Variants in SRPK2 observed in about 807,000 individuals in gnomAD.
SRPK2 encodes SFRS protein kinase 2.
SRPK2 carries 21 observed loss-of-function variants against 90.8 expected under a neutral mutation model. The observed-to-expected ratio is 0.23, with a 90% CI of 0.16 to 0.33. The LOEUF is 0.33. Ranked by LOEUF, SRPK2 falls within the 10% of genes least tolerant of loss-of-function variation. The probability of loss-of-function intolerance (pLI) is 1.00; values close to 1 mark genes in which losing one functional copy is unlikely to be tolerated. For missense variants in SRPK2, 620 were observed against 869.0 expected, an observed-to-expected ratio of 0.71 and a Z score of 3.60; for synonymous variants, 288 against 311.1, an observed-to-expected ratio of 0.93 and a Z score of 0.78.
intron 2 of SRPK2, among the ~76,000 whole-genome samples, chr7:105,305,846 A>G (rs1048070218): frequency 3.3e-5 from 5 of 152,256 alleles, no homozygotes; most frequent in Admixed American, 6.5e-5. Flanking sequence ...AGGGTGATAA[A>G]GTACGGGGAA....
intron 2 of SRPK2, chr7:105,205,928 AAC>A (rs139433699): frequency 1.1e-3 from 521 of 463,492 alleles, no homozygotes; most frequent in Admixed American, 2.2e-3. Flanking sequence ...ATTCTCTGAA[AAC>A]ACACACACAC....
At chr7:105,124,950 AG>A (rs1340109047) in intron 15 of SRPK2, among the ~76,000 whole-genome samples, 2 of 151,348 alleles carry the variant, frequency 1.3e-5, no homozygotes, top group Non-Finnish European at 2.9e-5. Flanking sequence ...TGGCCAACAC[AG>A]TGAAACCCTG....
intron 2 of SRPK2, chr7:105,301,685 C>A: frequency 6.2e-7 from 1 of 1,611,412 alleles, no homozygotes; most frequent in Non-Finnish European, 8.5e-7. Flanking sequence ...GAAACATATC[C>A]CCAAACACCT....
intron 7 of SRPK2, among the ~76,000 whole-genome samples, chr7:105,149,668 C>T (rs1161342888): frequency 6.6e-6 from 1 of 152,082 alleles, no homozygotes; most frequent in Non-Finnish European, 1.5e-5. Context: ...CTCCTTCAAT[C>T]CAACACTGAA....
At chr7:105,337,426 T>C (rs1815232253) in intron 2 of SRPK2, among the ~76,000 whole-genome samples, 1 of 152,026 alleles carries the variant, frequency 6.6e-6, no homozygotes, top group South Asian at 2.1e-4. Flanking sequence ...GCGATTCTCC[T>C]GCCTCAGCTT....
chr7:105,179,947 G>A (rs1249419024), intron 3 of SRPK2, among the ~76,000 whole-genome samples: 3 of 151,494 alleles, frequency 2.0e-5, no homozygotes, highest in Admixed American at 2.0e-4. Context: ...GATACAAATG[G>A]AAAAACAGTC....
At chr7:105,317,639 CAT>C (rs529009622) in intron 2 of SRPK2, among the ~76,000 whole-genome samples, 6 of 152,136 alleles carry the variant, frequency 3.9e-5, no homozygotes, top group Non-Finnish European at 8.8e-5. Context: ...ACAAAAATAA[CAT>C]ATCACAACAG....
chr7:105,146,039 C>G lies in SRPK2; in HGVS notation c.787+454G>C, dbSNP rs142945531. Among the ~76,000 whole-genome samples, 17 of 152,338 alleles carry G rather than the reference C, an allele frequency of 1.1e-4. No homozygotes were observed. In the East Asian group the frequency reaches 3.3e-3, roughly 29 times the overall value. On this transcript the variant is annotated intron_variant, in intron 8 of 15. Transcript: ENST00000393651. ...TATCCCAATACTCAGGTCACTTGATCTTCTTCCCCCACCATCAGGCCTTTT... is the reference window on the plus strand; with the variant it reads ...TATCCCAATACTCAGGTCACTTGATGTTCTTCCCCCACCATCAGGCCTTTT...
chr7:105,358,880 T>A (rs1563283167), intron 2 of SRPK2, among the ~76,000 whole-genome samples: 1 of 151,372 alleles, frequency 6.6e-6, no homozygotes, highest in African/African-American at 2.4e-5. Context: ...TCAGTGAGGG[T>A]CTCAGGCTGC....
chr7:105,114,792 T>C (rs188671500), downstream of SRPK2, among the ~76,000 whole-genome samples: 1 of 152,322 alleles, frequency 6.6e-6, no homozygotes, highest in Admixed American at 6.5e-5. Context: ...TAGCTAATGA[T>C]GGTACATTAA....
At chr7:105,341,817 G>C (rs1355872765) in intron 2 of SRPK2, among the ~76,000 whole-genome samples, 2 of 151,726 alleles carry the variant, frequency 1.3e-5, no homozygotes, top group Non-Finnish European at 2.9e-5. Flanking sequence ...AATACAAAAA[G>C]TTAGCCAGGT....
At chr7:105,275,106 C>T (rs1806318431) in intron 2 of SRPK2, among the ~76,000 whole-genome samples, 1 of 152,020 alleles carries the variant, frequency 6.6e-6, no homozygotes, top group African/African-American at 2.4e-5. Context: ...CTAGGCTGGT[C>T]TCAAACTGAC....
chr7:105,166,312 T>C (rs1394491135), intron 6 of SRPK2, among the ~76,000 whole-genome samples: 1 of 152,194 alleles, frequency 6.6e-6, no homozygotes, highest in Non-Finnish European at 1.5e-5. Context: ...TCTTTAAAAG[T>C]TCATTTTTGC....
rs1216776299 is a variant in SRPK2, at chr7:105,142,451, T to C, written c.1100A>G (p.Lys367Arg). ...ATCTTCATCTTTTTCAATGTTTTCTTTCTCAGCATCTTCTTTCTCTTCCTG... is the reference window on the plus strand; with the variant it reads ...ATCTTCATCTTTTTCAATGTTTTCTCTCTCAGCATCTTCTTTCTCTTCCTG... ...EDQEEKEDAE[K>R]ENIEKDEDDV... The change falls in exon 11 of 16, where the codon AAA (lysine) becomes AGA (arginine). Residue 367 changes from lysine to arginine, a missense_variant. Lys to Arg is a conservative substitution (Grantham distance 26). This residue lies in a region of SRPK2 where 243 missense variants were observed against 245.7 expected (regional missense o/e 0.99). Transcript: ENST00000393651. The C allele has an allele frequency of 1.2e-6, 2 of 1,612,522 alleles. No individual in the cohort carries two copies. The highest frequency in any genetic ancestry group is 1.7e-6 in the Non-Finnish European group (2 of 1,179,552).
chr7:105,301,464 T>G, intron 2 of SRPK2: 1 of 949,038 alleles, frequency 1.1e-6, no homozygotes, highest in African/African-American at 1.6e-5. Context: ...TGCCCTCGCT[T>G]TGTCTTCGTT....
chr7:105,170,663 C>G (rs550045067), intron 3 of SRPK2, among the ~76,000 whole-genome samples: 3 of 149,686 alleles, frequency 2.0e-5, no homozygotes, highest in Admixed American at 1.3e-4. Flanking sequence ...CACTGCACTC[C>G]AGCCTGGGTT....
At chr7:105,308,079 G>A (rs1030500229) in intron 2 of SRPK2, among the ~76,000 whole-genome samples, 26 of 152,208 alleles carry the variant, frequency 1.7e-4, no homozygotes, top group African/African-American at 1.4e-4. Flanking sequence ...TTATGGGTTC[G>A]TCACCCAAAT....
chr7:105,330,097 C>T (rs1435448132), intron 2 of SRPK2, among the ~76,000 whole-genome samples: 2 of 151,888 alleles, frequency 1.3e-5, no homozygotes, highest in Admixed American at 1.3e-4. Context: ...AATCCCAGCA[C>T]TTTGGGAGGC....
At chr7:105,213,661 TAAG>T (rs955872492) in intron 2 of SRPK2, among the ~76,000 whole-genome samples, 6 of 152,094 alleles carry the variant, frequency 3.9e-5, no homozygotes, top group Admixed American at 2.6e-4. Flanking sequence ...GATATACATA[TAAG>T]AAGAACAAGC....
Sources: gnomAD v4.1 joint callset for allele counts (sites outside exome capture counted in the v4.1 genomes callset) on GRCh38, gnomAD v4.1.1 for gene constraint, gnomAD v4.1.1 regional missense constraint, MANE v1.5 for transcripts, NCBI Gene and HGNC (gene_info 2026-07-23, HGNC 2026-07-21) for gene names.